Variants in VPS13B observed in about 807,000 individuals in gnomAD.
The protein encoded by VPS13B is vacuolar protein sorting 13 homolog B.
In VPS13B, 285 loss-of-function variants were observed where a neutral mutation model predicts 426.4. The ratio of observed to expected loss-of-function variants is 0.67; its 90% confidence interval spans 0.61 to 0.74. The LOEUF is 0.74. VPS13B is among the 30% of genes least tolerant of loss of function. The pLI is 0.00. For synonymous variants in VPS13B, 1,676 were observed against 1,676.4 expected (o/e 1.00, Z 0.01); for missense variants, 4,537 against 4,782.6 (o/e 0.95, Z 1.51).
chr8:99,692,155 A>T (rs1255609547), intron 35 of VPS13B, among the ~76,000 whole-genome samples: 1 of 145,452 alleles, frequency 6.9e-6, no homozygotes, highest in African/African-American at 2.6e-5. Context: ...GTCAACAAGG[A>T]TACCCAGGAA....
chr8:99,557,742 G>C, intron 31 of VPS13B, among the ~76,000 whole-genome samples: 1 of 152,232 alleles, frequency 6.6e-6, no homozygotes. Context: ...AAAGGAAGTA[G>C]TCCTGAATGT....
chr8:99,427,700 G>A (rs1816805227), intron 21 of VPS13B, among the ~76,000 whole-genome samples: 1 of 151,794 alleles, frequency 6.6e-6, no homozygotes, highest in Non-Finnish European at 1.5e-5. Context: ...TCGTGAAAAT[G>A]GCCATACTGC....
At chr8:99,496,523 C>T (rs1820891816) in intron 25 of VPS13B, among the ~76,000 whole-genome samples, 1 of 152,066 alleles carries the variant, frequency 6.6e-6, no homozygotes, top group Admixed American at 6.6e-5. Context: ...TGGTGGCAGG[C>T]ACCTGTAGTC....
intron 52 of VPS13B, among the ~76,000 whole-genome samples, chr8:99,834,031 T>C (rs1473866394): frequency 1.3e-5 from 2 of 152,226 alleles, no homozygotes; most frequent in Non-Finnish European, 2.9e-5. Flanking sequence ...GATGGTGTGA[T>C]TAATGTGCTT....
At chr8:99,068,386 T>C (rs1844658854) in intron 3 of VPS13B, among the ~76,000 whole-genome samples, 1 of 152,220 alleles carries the variant, frequency 6.6e-6, no homozygotes, top group Non-Finnish European at 1.5e-5. Context: ...AAATTTTTAA[T>C]AAAGACAGAT....
intron 31 of VPS13B, among the ~76,000 whole-genome samples, chr8:99,567,157 C>G (rs562531398): frequency 6.6e-6 from 1 of 152,320 alleles, no homozygotes; most frequent in East Asian, 1.9e-4. Context: ...TTCTAATGTT[C>G]TCTTCTCTGA....
At chr8:99,517,347 GT>G (rs1236469945) in intron 29 of VPS13B, among the ~76,000 whole-genome samples, 1 of 152,154 alleles carries the variant, frequency 6.6e-6, no homozygotes, top group Non-Finnish European at 1.5e-5. Context: ...TTTCAGAGTT[GT>G]TTATAGCCTT....
chr8:99,825,040 A>C (rs935660214), intron 51 of VPS13B, among the ~76,000 whole-genome samples: 3 of 152,156 alleles, frequency 2.0e-5, no homozygotes, highest in Non-Finnish European at 4.4e-5. Context: ...ATAAACATAC[A>C]TGTGCATGTG....
At chr8:99,328,946 CTGTT>C (rs747145850) in intron 19 of VPS13B, among the ~76,000 whole-genome samples, 16 of 152,102 alleles carry the variant, frequency 1.1e-4, no homozygotes, top group Non-Finnish European at 1.5e-5. Flanking sequence ...ACAATGCATT[CTGTT>C]TGTTTTACCT....
At chr8:99,317,927 G>C (rs192155613) in intron 19 of VPS13B, among the ~76,000 whole-genome samples, 1 of 152,158 alleles carries the variant, frequency 6.6e-6, no homozygotes, top group Admixed American at 6.5e-5. Context: ...GGGGATATCT[G>C]TTTTATATAT....
At chr8:99,625,462 A>C (rs72676204) in intron 33 of VPS13B, among the ~76,000 whole-genome samples, 28,448 of 152,046 alleles carry the variant, frequency 0.19, 3,243 homozygotes, top group East Asian at 0.45. Context: ...ATCAGCAACC[A>C]AGCACTTTGA....
chr8:99,046,370 A>G (rs1216254499), intron 3 of VPS13B, among the ~76,000 whole-genome samples: 1 of 151,746 alleles, frequency 6.6e-6, no homozygotes, highest in Non-Finnish European at 1.5e-5. Flanking sequence ...TAGAAGAGCT[A>G]CTGATTTGTG....
At chr8:99,480,171 GT>G (rs1414583606) in intron 24 of VPS13B, among the ~76,000 whole-genome samples, 1 of 152,152 alleles carries the variant, frequency 6.6e-6, no homozygotes, top group Non-Finnish European at 1.5e-5. Context: ...TATCCTACAT[GT>G]TTTTGCCTTA....
At chr8:99,194,914 C>T (rs1307052665) in intron 17 of VPS13B, among the ~76,000 whole-genome samples, 5 of 152,042 alleles carry the variant, frequency 3.3e-5, no homozygotes, top group South Asian at 2.1e-4. Flanking sequence ...GGCGCGATCT[C>T]GGCTCACTGC....
chr8:99,089,624 C>CT (rs1846035880), intron 3 of VPS13B, among the ~76,000 whole-genome samples: 1 of 152,130 alleles, frequency 6.6e-6, no homozygotes, highest in Non-Finnish European at 1.5e-5. Flanking sequence ...AAGGGAGTGT[C>CT]TGAGTTCAGA....
intron 14 of VPS13B, 104 bp downstream of exon 14, chr8:99,148,114 G>C (rs181946403): frequency 1.1e-5 from 14 of 1,269,398 alleles, no homozygotes; most frequent in Middle Eastern, 4.3e-4. Flanking sequence ...ACAGTGGCTT[G>C]AGTGTGTAAT....
chr8:99,172,286 G>T (rs943587609), intron 16 of VPS13B, among the ~76,000 whole-genome samples: 1 of 152,094 alleles, frequency 6.6e-6, no homozygotes, highest in South Asian at 2.1e-4. Context: ...TTGGAGTATA[G>T]AAATAGTATA....
chr8:99,839,038 T>C (rs1815538505), intron 54 of VPS13B, among the ~76,000 whole-genome samples: 1 of 152,214 alleles, frequency 6.6e-6, no homozygotes, highest in African/African-American at 2.4e-5. Context: ...GATTTTGGTT[T>C]TGATCTTAAG....
chr8:99,529,290 A>G (rs531854911), intron 30 of VPS13B, among the ~76,000 whole-genome samples: 5 of 152,086 alleles, frequency 3.3e-5, no homozygotes, highest in Non-Finnish European at 7.4e-5. Context: ...TAAGTAATGG[A>G]ATTGTACTCT....
Sources: gnomAD v4.1 joint callset for allele counts (sites outside exome capture counted in the v4.1 genomes callset) on GRCh38, gnomAD v4.1.1 for gene constraint, MANE v1.5 for transcripts, NCBI Gene and HGNC (gene_info 2026-07-23, HGNC 2026-07-21) for gene names.